Variants in CSNK2A2IP observed in about 807,000 individuals in gnomAD.
CSNK2A2IP encodes the protein casein kinase 2 subunit alpha' interacting protein, also known as casein kinase II subunit alpha'-interacting protein.
the CSNK2A2IP span, among the ~76,000 whole-genome samples, chr3:88,366,949 A>G: frequency 2.0e-5 from 3 of 152,088 alleles, no homozygotes; most frequent in African/African-American, 7.2e-5. Flanking sequence ...GAAGCCACTT[A>G]TAAAATCATC....
the CSNK2A2IP span, chr3:88,466,167 C>T: frequency 1.9e-4 from 228 of 1,231,620 alleles, no homozygotes; most frequent in African/African-American, 3.4e-3. Context: ...TTGCTCTTAC[C>T]TCTCCATTAC....
the CSNK2A2IP span, among the ~76,000 whole-genome samples, chr3:88,430,584 G>A: frequency 1.3e-5 from 2 of 151,986 alleles, no homozygotes; most frequent in Non-Finnish European, 2.9e-5. Context: ...AATGGAAAAT[G>A]AGAAAATGTA....
the CSNK2A2IP span, chr3:88,465,894 C>T: frequency 8.1e-7 from 1 of 1,231,510 alleles, no homozygotes. Flanking sequence ...ATCAAAGAGT[C>T]TCAAGTTCAT....
chr3:88,394,477 A>G, the CSNK2A2IP span, among the ~76,000 whole-genome samples: 1 of 152,176 alleles, frequency 6.6e-6, no homozygotes, highest in Non-Finnish European at 1.5e-5. Flanking sequence ...GGTTCAAGTG[A>G]TTATCCTGCC....
chr3:88,428,191 A>G, the CSNK2A2IP span, among the ~76,000 whole-genome samples: 1 of 152,156 alleles, frequency 6.6e-6, no homozygotes, highest in Admixed American at 6.5e-5. Flanking sequence ...CATGGGTCCT[A>G]TAGCCCCTTT....
chr3:88,388,727 C>A, the CSNK2A2IP span, among the ~76,000 whole-genome samples: 1 of 152,134 alleles, frequency 6.6e-6, no homozygotes, highest in African/African-American at 2.4e-5. Context: ...TGTATAGATA[C>A]AAACATTTCC....
chr3:88,418,353 T>G, the CSNK2A2IP span, among the ~76,000 whole-genome samples: 3 of 152,106 alleles, frequency 2.0e-5, no homozygotes, highest in East Asian at 5.8e-4. Context: ...TAAAGCACTC[T>G]CCACACAAGA....
chr3:88,375,637 TA>T, the CSNK2A2IP span, among the ~76,000 whole-genome samples: 5 of 151,714 alleles, frequency 3.3e-5, no homozygotes, highest in Admixed American at 2.0e-4. Context: ...AGAAAGGGCC[TA>T]AAAACCCAAA....
the CSNK2A2IP span, among the ~76,000 whole-genome samples, chr3:88,383,049 T>C: frequency 2.6e-5 from 4 of 152,140 alleles, no homozygotes; most frequent in South Asian, 8.3e-4. Context: ...AATCTCAGGT[T>C]TCTTCTCCTT....
chr3:88,448,172 T>C, the CSNK2A2IP span, among the ~76,000 whole-genome samples: 1 of 152,192 alleles, frequency 6.6e-6, no homozygotes, highest in Non-Finnish European at 1.5e-5. Context: ...AGCAGTCTTT[T>C]TGAGCATTAC....
At chr3:88,437,065 T>C in the CSNK2A2IP span, among the ~76,000 whole-genome samples, 1 of 152,266 alleles carries the variant, frequency 6.6e-6, no homozygotes, top group South Asian at 2.1e-4. Context: ...TGAAATCTAC[T>C]GCTTAAATCA....
the CSNK2A2IP span, among the ~76,000 whole-genome samples, chr3:88,372,629 A>G: frequency 6.6e-6 from 1 of 151,448 alleles, no homozygotes; most frequent in Non-Finnish European, 1.5e-5. Flanking sequence ...GTCCAGGCAT[A>G]TTGATTAATT....
chr3:88,461,575 A>T, the CSNK2A2IP span, among the ~76,000 whole-genome samples: 44,474 of 151,924 alleles, frequency 0.29, 7,253 homozygotes, highest in East Asian at 0.48. Context: ...AAATAAAAAT[A>T]CTAATTTAAT....
chr3:88,395,135 A>G, the CSNK2A2IP span, among the ~76,000 whole-genome samples: 1 of 152,228 alleles, frequency 6.6e-6, no homozygotes, highest in Admixed American at 6.5e-5. Context: ...GTATATACAC[A>G]TACATGTAAA....
the CSNK2A2IP span, among the ~76,000 whole-genome samples, chr3:88,432,843 A>C: frequency 0.36 from 54,237 of 150,792 alleles, 11,008 homozygotes; most frequent in Non-Finnish European, 0.47. Flanking sequence ...AGCTTGGATT[A>C]ACTGATTCCC....
the CSNK2A2IP span, among the ~76,000 whole-genome samples, chr3:88,367,523 A>G: frequency 6.6e-6 from 1 of 152,152 alleles, no homozygotes; most frequent in Non-Finnish European, 1.5e-5. Flanking sequence ...GAACAACAAC[A>G]AAAAATAAGT....
At chr3:88,396,012 C>T in the CSNK2A2IP span, among the ~76,000 whole-genome samples, 2 of 151,694 alleles carry the variant, frequency 1.3e-5, no homozygotes, top group Admixed American at 1.3e-4. Context: ...AATCATAGGC[C>T]TTCTCTGACT....
chr3:88,387,604 A>G, the CSNK2A2IP span, among the ~76,000 whole-genome samples: 10,284 of 152,166 alleles, frequency 0.068, 999 homozygotes, highest in African/African-American at 0.21. Context: ...TAATCTATGG[A>G]ATGGTATTGG....
At chr3:88,344,228 G>A in the CSNK2A2IP span, among the ~76,000 whole-genome samples, 1 of 118,372 alleles carries the variant, frequency 8.4e-6, no homozygotes, top group African/African-American at 2.6e-5. Flanking sequence ...ATACTCTGGC[G>A]AGACATGTGG....
Sources: allele counts gnomAD v4.1 joint callset (sites outside exome capture counted in the v4.1 genomes callset), GRCh38; gene constraint gnomAD v4.1.1; transcripts MANE v1.5; gene names NCBI Gene and HGNC (gene_info 2026-07-23, HGNC 2026-07-21).